SMARCA1: variants seen among roughly 807,000 people sequenced by gnomAD.
SMARCA1 encodes the protein SNF2 related chromatin remodeling ATPase 1.
SMARCA1 carries 17 observed loss-of-function variants against 93.6 expected under a neutral mutation model. That is an observed-to-expected ratio of 0.18 (90% CI 0.12 to 0.27). The LOEUF is 0.27. SMARCA1 is among the 10% of genes least tolerant of loss of function. SMARCA1 has a pLI of 1.00. For synonymous variants in SMARCA1, 271 were observed against 271.4 expected (o/e 1.00, Z 0.01); for missense variants, 630 against 819.0 (o/e 0.77, Z 2.82).
rs1932047393 is a variant in SMARCA1, at chrX:129,447,099, TTAGCATTTGAAGATGGGAACAAGAAAA to T, written c.*36_*62del. ...ACCATGAATACACTGGAACTGGCAA[TTAGCATTTGAAGATGGGAACAAGAAAA>T]TAGCAGTTTCCCATTTAAAACTTTA... On this transcript the variant is annotated 3_prime_UTR_variant, in exon 25 of 25. Transcript: ENST00000371121. 1.4e-5 allele frequency: 13 copies of T among 920,883 alleles called. No homozygotes were observed. The highest frequency in any genetic ancestry group is 1.9e-5 in the Non-Finnish European group (13 of 667,209). 75.9% of individuals were successfully genotyped at this position (920,883 alleles called of 1,213,427 possible). A position where few individuals can be genotyped will look rare whatever the true frequency, so the allele number is the denominator to read the frequency against.
intron 12 of SMARCA1, 110 bp from the exon 13 acceptor site, chrX:129,493,185 G>A: frequency 3.1e-6 from 1 of 325,242 alleles, no homozygotes; most frequent in Non-Finnish European, 5.6e-6. Flanking sequence ...CAAGAATAGG[G>A]GGATGAATTA....
intron 20 of SMARCA1, 26 bp from the exon 21 acceptor site, chrX:129,468,931 CA>C (rs771742954): frequency 9.2e-7 from 1 of 1,087,739 alleles, no homozygotes; most frequent in African/African-American, 1.8e-5. Flanking sequence ...TAAGCATTAT[CA>C]ATAGAGGTTA....
chrX:129,450,575 T>C (rs1932239323), intron 23 of SMARCA1, among the ~76,000 whole-genome samples: 1 of 111,874 alleles, frequency 8.9e-6, no homozygotes, highest in Admixed American at 9.5e-5. Flanking sequence ...ATAAGATGTA[T>C]ACAAATATTT....
intron 17 of SMARCA1, among the ~76,000 whole-genome samples, chrX:129,481,754 C>T (rs887011598): frequency 4.5e-5 from 5 of 111,610 alleles, no homozygotes; most frequent in Non-Finnish European, 9.4e-5. Context: ...TAGTTCAACC[C>T]TTGTGGAAGT....
intron 23 of SMARCA1, among the ~76,000 whole-genome samples, chrX:129,452,578 C>T (rs1028500120): frequency 1.8e-5 from 2 of 112,234 alleles, no homozygotes; most frequent in Non-Finnish European, 3.8e-5. Context: ...CATTCTAATG[C>T]AGAGTGGAAA....
rs61606302 is a variant in SMARCA1 at position 129,521,044 on chromosome X, A to ATTT, written c.174+2150_174+2152dup. 4.8e-3 allele frequency among the ~76,000 whole-genome samples: 494 copies of ATTT among 102,958 alleles called. 7 individuals carry two copies. Among genetic ancestry groups the ATTT allele is most frequent in the African/African-American group, 0.017 (466 of 28,236 alleles). The allele number at this position is 102,958 out of a possible 115,157, so 89.4% of individuals were successfully genotyped here. A position where few individuals can be genotyped will look rare whatever the true frequency, so the allele number is the denominator to read the frequency against. Reference sequence around the variant, plus strand: ...AGGTGCCTGCCACCACACTTGGCTAATTTTTTTTTTTTGGTATTTTTAGTA... The same window carrying ATTT: ...AGGTGCCTGCCACCACACTTGGCTAATTTTTTTTTTTTTTTGGTATTTTTAGTA... On this transcript the variant is annotated intron_variant, in intron 1 of 24. Coordinates refer to ENST00000371121, the MANE Select transcript of SMARCA1 (RefSeq NM_001282874.2).
At chrX:129,486,810 T>C (rs868181758) in intron 17 of SMARCA1, among the ~76,000 whole-genome samples, 1 of 106,483 alleles carries the variant, frequency 9.4e-6, no homozygotes, top group African/African-American at 3.5e-5. Flanking sequence ...ACAGCAAAAA[T>C]TGATGATGAT....
At chrX:129,490,365 C>T (rs1386225656) in intron 14 of SMARCA1, among the ~76,000 whole-genome samples, 173 bp from the exon 15 acceptor site, 1 of 112,170 alleles carries the variant, frequency 8.9e-6, no homozygotes. Flanking sequence ...ACAAAGAAAT[C>T]TGCAAATATT....
At chrX:129,457,545 C>A (rs976526676) in intron 23 of SMARCA1, among the ~76,000 whole-genome samples, 1 of 112,102 alleles carries the variant, frequency 8.9e-6, no homozygotes, top group Admixed American at 9.5e-5. Flanking sequence ...TTCATAAAAT[C>A]ATAAACTCGC....
At chrX:129,468,944 A>G (rs375151979) in intron 20 of SMARCA1, 39 bp from the exon 21 acceptor site, 127 of 1,006,760 alleles carry the variant, frequency 1.3e-4, no homozygotes, top group Non-Finnish European at 1.6e-4. Context: ...TAGAGGTTAA[A>G]TTAATAAATC....
At position 129,448,370 on chromosome X, in the gene SMARCA1, C is replaced by G; in HGVS notation, c.3104G>C (p.Arg1035Thr). ...KENMEIEERE[R>T]AEKKKRATKT... ...AGTTGCCCGTTTCTTCTTTTCTGCTCTCTCTCTTTCCTCAATTTCCATATT... is the reference window on the plus strand; with the variant it reads ...AGTTGCCCGTTTCTTCTTTTCTGCTGTCTCTCTTTCCTCAATTTCCATATT... Residue 1035 changes from arginine (R) to threonine (T), a missense_variant, in exon 24 of 25, where the codon AGA (arginine) becomes ACA (threonine). Physicochemically the swap from Arg to Thr is moderately conservative, Grantham distance 71. Around this residue, in one of 4 missense-constraint regions of SMARCA1, gnomAD observed 93 missense variants for 160.8 expected, o/e 0.58. Transcript: ENST00000371121. 1 of 1,197,540 alleles carries G rather than the reference C, an allele frequency of 8.4e-7. No homozygotes were observed. Among genetic ancestry groups the G allele is most frequent in the Non-Finnish European group, 1.1e-6 (1 of 883,095 alleles).
intron 23 of SMARCA1, among the ~76,000 whole-genome samples, chrX:129,455,310 A>G (rs1191283164): frequency 9.0e-6 from 1 of 111,103 alleles, no homozygotes; most frequent in Non-Finnish European, 1.9e-5. Flanking sequence ...TTGCAGGGAC[A>G]TAGATGAAGC....
chrX:129,523,067 C>A, intron 1 of SMARCA1, 130 bp downstream of exon 1: 2 of 754,547 alleles, frequency 2.7e-6, no homozygotes, highest in Non-Finnish European at 3.8e-6. Context: ...CCGCCGACCC[C>A]CGCACCCGCC....
chrX:129,452,559 A>G (rs1409905250), intron 23 of SMARCA1, among the ~76,000 whole-genome samples: 1 of 112,509 alleles, frequency 8.9e-6, no homozygotes, highest in Non-Finnish European at 1.9e-5. Context: ...GACTTCTCAG[A>G]GCTTTTAGCA....
intron 9 of SMARCA1, among the ~76,000 whole-genome samples, chrX:129,501,280 G>A (rs1319233181): frequency 9.5e-6 from 1 of 105,030 alleles, no homozygotes; most frequent in African/African-American, 3.7e-5. Flanking sequence ...ACAAATATAT[G>A]ATATGTGTAT....
At position 129,480,819 on chromosome X, in the gene SMARCA1, G is replaced by A. The variant is rs746691418; in HGVS notation, c.2329-5C>T. ...CTGTTTTGGAGGCCGTGGAGCCTAT[G>A]AGGGAGGAAAATGTATTATATATAC... is the stretch of plus-strand genomic sequence containing the variant. On this transcript the variant is annotated splice_polypyrimidine_tract_variant and splice_region_variant and intron_variant, in intron 18 of 24. Transcript: ENST00000371121. The A allele has an allele frequency of 3.7e-6, 4 of 1,081,461 alleles. No individual in the cohort carries two copies. Among genetic ancestry groups the A allele is most frequent in the South Asian group, 4.2e-5 (2 of 47,696 alleles). 89.1% of individuals were successfully genotyped at this position (1,081,461 alleles called of 1,213,427 possible). A position where few individuals can be genotyped will look rare whatever the true frequency, so the allele number is the denominator to read the frequency against.
At position 129,496,866 on chromosome X, in the gene SMARCA1, T is replaced by C. The variant is rs1308523596; in HGVS notation, c.1510A>G (p.Arg504Gly). The C allele has an allele frequency of 8.3e-7, 1 of 1,198,730 alleles. No homozygotes were observed. The highest frequency in any genetic ancestry group is 1.1e-6 in the Non-Finnish European group (1 of 890,218). Residue 504 changes from arginine to glycine, a missense_variant, in exon 12 of 25, where the codon AGG becomes GGG. Arg to Gly is a moderately radical substitution (Grantham distance 125, BLOSUM62 -2). Transcript: ENST00000371121. ...GTCATCTGGCTGAAAATGAGAACCC[T>C]TGAACCTAAAACATTTCACCAAGAA... ...LLAKLKEQGS[R>G]VLIFSQMTRL...
At chrX:129,471,890 G>A (rs1602667761) in intron 19 of SMARCA1, among the ~76,000 whole-genome samples, 1 of 112,208 alleles carries the variant, frequency 8.9e-6, no homozygotes, top group South Asian at 3.7e-4. Context: ...GTATAGTAGA[G>A]CACACAAATA....
chrX:129,506,137 C>A lies in SMARCA1; in HGVS notation c.1041G>T (p.Leu347=). ...LLTGTPLQNN[L]HELWALLNFL... ...AGTTGAGTAAGGCCCACAGTTCATGCAGGTTATTCTGCAAAGGTGTTCCAG... is the reference window on the plus strand; with the variant it reads ...AGTTGAGTAAGGCCCACAGTTCATGAAGGTTATTCTGCAAAGGTGTTCCAG... The change falls in exon 8 of 25, where the codon CTG becomes CTT. Residue 347 remains leucine, a synonymous_variant. Coordinates refer to ENST00000371121, the MANE Select transcript of SMARCA1 (RefSeq NM_001282874.2). 2 of 1,196,463 alleles carry A rather than the reference C, an allele frequency of 1.7e-6. No individual in the cohort carries two copies. The highest frequency in any genetic ancestry group is 2.3e-4 in the Middle Eastern group (1 of 4,312).
Sources: gnomAD v4.1 joint callset for allele counts (sites outside exome capture counted in the v4.1 genomes callset) on GRCh38, gnomAD v4.1.1 for gene constraint, gnomAD v4.1.1 regional missense constraint, MANE v1.5 for transcripts, NCBI Gene and HGNC (gene_info 2026-07-23, HGNC 2026-07-21) for gene names.